The following CCDC38 variants were observed in gnomAD, a reference collection of about 807,000 sequenced individuals.
The protein encoded by CCDC38 is coiled-coil domain containing 38.
Under a neutral mutation model 72.8 loss-of-function variants are expected in CCDC38, and 69 were observed. The observed-to-expected ratio is 0.95, with a 90% confidence interval of 0.78 to 1.16. CCDC38 has a LOEUF of 1.16. CCDC38 is among the 50% of genes most tolerant of loss of function. The pLI is 0.00. For missense variants in CCDC38, 626 were observed against 638.9 expected (o/e 0.98, Z 0.22); for synonymous variants, 201 against 213.2 (o/e 0.94, Z 0.50).
intron 7 of CCDC38, among the ~76,000 whole-genome samples, chr12:95,896,072 AAAAG>A (rs1227697189): frequency 2.0e-5 from 3 of 148,598 alleles, no homozygotes; most frequent in Non-Finnish European, 3.0e-5. Flanking sequence ...AAAAAAAAAA[AAAAG>A]AAAGTAGCAA....
At chr12:95,940,453 C>T (rs961315191) in intron 1 of CCDC38, among the ~76,000 whole-genome samples, 1 of 152,092 alleles carries the variant, frequency 6.6e-6, no homozygotes, top group Non-Finnish European at 1.5e-5. Flanking sequence ...TTTGCAACAA[C>T]CCCCTCTAAA....
intron 2 of CCDC38, 129 bp downstream of exon 2, chr12:95,936,344 A>G: frequency 2.6e-6 from 2 of 760,914 alleles, no homozygotes; most frequent in South Asian, 2.8e-5. Context: ...TCTTCTCTGC[A>G]GGTAGTTTAT....
At chr12:95,914,309 G>A (rs1000579151) in intron 4 of CCDC38, among the ~76,000 whole-genome samples, 3 of 152,168 alleles carry the variant, frequency 2.0e-5, no homozygotes, top group African/African-American at 7.2e-5. Context: ...AGGTGACAGA[G>A]AAAGACTCCG....
At chr12:95,898,312 G>A (rs972473604) in intron 7 of CCDC38, 73 bp downstream of exon 7, 26 of 1,358,988 alleles carry the variant, frequency 1.9e-5, no homozygotes, top group Non-Finnish European at 2.4e-5. Flanking sequence ...AGGATTATTA[G>A]GTCTTACCTG....
In CCDC38 at chr12:95,906,385, A is replaced by G; in HGVS notation, c.369+2T>C. 1 of 1,606,320 alleles carries G rather than the reference A, an allele frequency of 6.2e-7. No homozygotes were observed. Among genetic ancestry groups the G allele is most frequent in the Non-Finnish European group, 8.5e-7 (1 of 1,173,730 alleles). ...CTAGGGGAGAAAAGTTATTTTTACT[A>G]CCTCGAGCAGAAACCTGTCTCTCTG... On this transcript the variant is annotated splice_donor_variant, in intron 5 of 15. Coordinates refer to ENST00000344280, the MANE Select transcript of CCDC38 (RefSeq NM_182496.3). LOFTEE classifies it high-confidence loss of function.
chr12:95,888,152 G>A (rs2079780995), intron 10 of CCDC38, among the ~76,000 whole-genome samples: 1 of 152,214 alleles, frequency 6.6e-6, no homozygotes, highest in African/African-American at 2.4e-5. Context: ...ATCACATGGT[G>A]AAATTGCAAA....
intron 12 of CCDC38, 65 bp from the exon 13 acceptor site, chr12:95,878,411 G>A: frequency 2.0e-6 from 3 of 1,515,736 alleles, no homozygotes; most frequent in Non-Finnish European, 1.8e-6. Context: ...CCATCAGTCA[G>A]GAGCTTTAAC....
intron 4 of CCDC38, among the ~76,000 whole-genome samples, chr12:95,913,771 G>A (rs1013243182): frequency 6.6e-6 from 1 of 151,476 alleles, no homozygotes; most frequent in Non-Finnish European, 1.5e-5. Context: ...ATTTCTCAAG[G>A]TTAATAATGG....
chr12:95,901,364 G>T (rs550695262), intron 5 of CCDC38, among the ~76,000 whole-genome samples: 1 of 152,164 alleles, frequency 6.6e-6, no homozygotes, highest in Admixed American at 6.5e-5. Context: ...GAAACATGAA[G>T]TCTGAAATGG....
At chr12:95,873,331 A>G (rs187906855) in intron 13 of CCDC38, among the ~76,000 whole-genome samples, 184 of 152,328 alleles carry the variant, frequency 1.2e-3, no homozygotes, top group African/African-American at 4.1e-3. Context: ...TGCTGAATAA[A>G]TGACTAAATG....
chr12:95,871,784 A>G (rs906899329), intron 14 of CCDC38, among the ~76,000 whole-genome samples: 3 of 151,942 alleles, frequency 2.0e-5, no homozygotes, highest in South Asian at 2.1e-4. Context: ...GGAGCCCTTC[A>G]TGGGAGAACC....
At chr12:95,875,030 G>T (rs2079621020) in intron 13 of CCDC38, among the ~76,000 whole-genome samples, 1 of 152,174 alleles carries the variant, frequency 6.6e-6, no homozygotes, top group African/African-American at 2.4e-5. Flanking sequence ...AGCAGTTTAT[G>T]TTCCATTTCA....
intron 14 of CCDC38, among the ~76,000 whole-genome samples, chr12:95,870,853 A>G (rs1395644221): frequency 6.6e-6 from 1 of 152,222 alleles, no homozygotes; most frequent in African/African-American, 2.4e-5. Context: ...CTACTGGCTA[A>G]TATTTGAGTA....
At chr12:95,935,564 A>G (rs1378241505) in intron 2 of CCDC38, 1 of 294,514 alleles carries the variant, frequency 3.4e-6, no homozygotes. Flanking sequence ...TTTAAGCCAC[A>G]GTTGTTTTAT....
intron 2 of CCDC38, chr12:95,934,015 A>G (rs1295030217): frequency 2.0e-5 from 3 of 152,114 alleles, no homozygotes; most frequent in Non-Finnish European, 4.4e-5. Context: ...CTATAAAAAC[A>G]ATTGTTTTTA....
intron 10 of CCDC38, among the ~76,000 whole-genome samples, chr12:95,883,164 C>T (rs1002827957): frequency 3.3e-5 from 5 of 152,196 alleles, no homozygotes; most frequent in Non-Finnish European, 5.9e-5. Flanking sequence ...ATCTCTCTCA[C>T]CTGAATTGTG....
At chr12:95,932,921 A>T (rs2080353239) in intron 2 of CCDC38, among the ~76,000 whole-genome samples, 1 of 152,194 alleles carries the variant, frequency 6.6e-6, no homozygotes. Context: ...CTAGAATGGA[A>T]ATCTCAGGAA....
intron 2 of CCDC38, among the ~76,000 whole-genome samples, chr12:95,928,119 T>A (rs1475059570): frequency 6.6e-6 from 1 of 151,424 alleles, no homozygotes; most frequent in Non-Finnish European, 1.5e-5. Context: ...TCCTGGATAA[T>A]ATCCTGCAGA....
chr12:95,910,365 T>G (rs536041831), intron 4 of CCDC38, among the ~76,000 whole-genome samples: 22 of 151,452 alleles, frequency 1.5e-4, no homozygotes, highest in Non-Finnish European at 2.7e-4. Flanking sequence ...AACAAAGAGG[T>G]GTAAGAACTC....
Sources: gnomAD v4.1 joint callset for allele counts (sites outside exome capture counted in the v4.1 genomes callset) on GRCh38, gnomAD v4.1.1 for gene constraint, MANE v1.5 for transcripts, NCBI Gene and HGNC (gene_info 2026-07-23, HGNC 2026-07-21) for gene names.